Variants in CNTN4 observed in about 807,000 individuals in gnomAD.
CNTN4 encodes contactin-4.
Under a neutral mutation model 122.5 loss-of-function variants are expected in CNTN4, and 77 were observed. The observed-to-expected ratio is 0.63, with a 90% confidence interval of 0.52 to 0.76. The LOEUF (loss-of-function observed/expected upper bound fraction) is 0.76, where lower values mean the gene tolerates loss of function less well. CNTN4 is among the 30% of genes least tolerant of loss of function. The probability of loss-of-function intolerance (pLI) is 0.00; values close to 1 mark genes in which losing one functional copy is unlikely to be tolerated. For missense variants in CNTN4, 1,256 were observed against 1,259.1 expected (o/e 1.00, Z 0.04); for synonymous variants, 512 against 447.0 (o/e 1.15, Z -1.83).
At chr3:2,306,417 T>C (rs935921236) in intron 2 of CNTN4, among the ~76,000 whole-genome samples, 3 of 152,344 alleles carry the variant, frequency 2.0e-5, no homozygotes, top group Admixed American at 6.5e-5. Context: ...GCATCTTTCA[T>C]GTACTTGTTG....
chr3:2,280,333 A>G (rs1370111616), intron 2 of CNTN4, among the ~76,000 whole-genome samples: 1 of 152,160 alleles, frequency 6.6e-6, no homozygotes, highest in East Asian at 1.9e-4. Context: ...AGAATTGTTT[A>G]TTGTGATTGC....
intron 4 of CNTN4, among the ~76,000 whole-genome samples, chr3:2,647,724 A>G (rs941154805): frequency 6.6e-6 from 1 of 152,184 alleles, no homozygotes; most frequent in African/African-American, 2.4e-5. Flanking sequence ...CCTCACAAAC[A>G]GATGCAAACT....
intron 4 of CNTN4, among the ~76,000 whole-genome samples, chr3:2,609,157 C>A (rs2081379428): frequency 6.6e-6 from 1 of 152,196 alleles, no homozygotes; most frequent in Non-Finnish European, 1.5e-5. Context: ...GTGTCCTCTA[C>A]AGAATTTGTG....
intron 3 of CNTN4, among the ~76,000 whole-genome samples, chr3:2,461,517 G>T (rs2049209093): frequency 6.6e-6 from 1 of 152,110 alleles, no homozygotes; most frequent in South Asian, 2.1e-4. Flanking sequence ...TAGATCCAGG[G>T]CTCCCACCCA....
chr3:2,417,851 T>C lies in CNTN4; in HGVS notation c.-89+78618T>C, dbSNP rs78910171. Among the ~76,000 whole-genome samples the C allele has an allele frequency of 3.5e-3, 535 of 152,270 alleles. 2 individuals are homozygous for C. Among genetic ancestry groups the C allele is most frequent in the African/African-American group, 0.012 (482 of 41,544 alleles). ...TGAAAAGACATAGAAGAAACTTAAA[T>C]GTGTATTACTAAGTGAAAAAGCCAA... On this transcript the variant is annotated intron_variant, in intron 3 of 24. Transcript: ENST00000418658.
intron 3 of CNTN4, among the ~76,000 whole-genome samples, chr3:2,368,329 G>A (rs1375482701): frequency 1.3e-5 from 2 of 152,092 alleles, no homozygotes; most frequent in Non-Finnish European, 2.9e-5. Flanking sequence ...ACAGAGCCTG[G>A]CCTCTTTTTT....
intron 3 of CNTN4, among the ~76,000 whole-genome samples, chr3:2,537,860 T>C (rs1179097376): frequency 6.6e-6 from 1 of 151,950 alleles, no homozygotes; most frequent in Non-Finnish European, 1.5e-5. Context: ...GGGGTACATC[T>C]CCAATAACCC....
At chr3:2,707,167 A>T (rs1490424315) in intron 4 of CNTN4, among the ~76,000 whole-genome samples, 1 of 151,864 alleles carries the variant, frequency 6.6e-6, no homozygotes, top group Non-Finnish European at 1.5e-5. Context: ...TTAGACGGGC[A>T]TGGTGATGCA....
At chr3:2,317,659 A>G (rs920344020) in intron 2 of CNTN4, among the ~76,000 whole-genome samples, 5 of 152,140 alleles carry the variant, frequency 3.3e-5, no homozygotes, top group African/African-American at 1.2e-4. Flanking sequence ...TCTTCTAGTT[A>G]ATCTGTCAAT....
intron 6 of CNTN4, among the ~76,000 whole-genome samples, chr3:2,788,330 T>C (rs972429283): frequency 5.3e-5 from 8 of 152,196 alleles, no homozygotes; most frequent in African/African-American, 1.9e-4. Flanking sequence ...CTCATTTCAC[T>C]GTATGATATA....
At chr3:2,363,267 T>A (rs2045234561) in intron 3 of CNTN4, among the ~76,000 whole-genome samples, 1 of 152,236 alleles carries the variant, frequency 6.6e-6, no homozygotes, top group African/African-American at 2.4e-5. Flanking sequence ...GAAGTAACAT[T>A]CATTGGTTGT....
chr3:2,107,410 A>T (rs765926089), intron 2 of CNTN4, among the ~76,000 whole-genome samples: 3 of 152,156 alleles, frequency 2.0e-5, no homozygotes, highest in African/African-American at 2.4e-5. Flanking sequence ...AAGCAAAGGT[A>T]TATCTTACAT....
At chr3:2,377,236 A>G (rs1391886610) in intron 3 of CNTN4, among the ~76,000 whole-genome samples, 2 of 152,164 alleles carry the variant, frequency 1.3e-5, no homozygotes, top group Non-Finnish European at 2.9e-5. Context: ...GTTGTTGAAC[A>G]TGATGGCATT....
Position 2,113,232 on chromosome 3 carries a change from G to T in CNTN4, c.-145+12593G>T, listed in dbSNP as rs114278869. 4.5e-3 allele frequency among the ~76,000 whole-genome samples: 682 copies of T among 152,120 alleles called. 4 individuals carry two copies. The highest frequency in any genetic ancestry group is 0.016 in the African/African-American group (654 of 41,506). On this transcript the variant is annotated intron_variant, in intron 2 of 24. Transcript: ENST00000418658. ...AACATAATAAATTGTCCATCAATAGGGACTATTTGAGTTTGATATTGATCT... is the reference window on the plus strand; with the variant it reads ...AACATAATAAATTGTCCATCAATAGTGACTATTTGAGTTTGATATTGATCT...
At chr3:2,494,526 A>G (rs1344366279) in intron 3 of CNTN4, among the ~76,000 whole-genome samples, 1 of 152,162 alleles carries the variant, frequency 6.6e-6, no homozygotes, top group African/African-American at 2.4e-5. Flanking sequence ...TCCAGGTAGC[A>G]AGCTGCAGAC....
intron 7 of CNTN4, among the ~76,000 whole-genome samples, chr3:2,836,982 G>C (rs951110595): frequency 2.6e-5 from 4 of 152,092 alleles, no homozygotes; most frequent in South Asian, 2.1e-4. Flanking sequence ...AGGACGTAAA[G>C]ACAAACAAGA....
At chr3:2,450,169 C>A (rs536057051) in intron 3 of CNTN4, among the ~76,000 whole-genome samples, 1 of 152,080 alleles carries the variant, frequency 6.6e-6, no homozygotes, top group Admixed American at 6.6e-5. Flanking sequence ...GAATTTGAGA[C>A]CCTCCTGGCA....
At chr3:2,208,914 A>G (rs2038483851) in intron 2 of CNTN4, among the ~76,000 whole-genome samples, 1 of 152,202 alleles carries the variant, frequency 6.6e-6, no homozygotes, top group African/African-American at 2.4e-5. Flanking sequence ...ACTGCTAAAA[A>G]ACAATGCACA....
intron 3 of CNTN4, among the ~76,000 whole-genome samples, chr3:2,456,464 A>G (rs947060904): frequency 1.6e-4 from 24 of 152,090 alleles, no homozygotes; most frequent in Non-Finnish European, 2.9e-4. Context: ...GTCCTAAAAT[A>G]TTTTCATCAC....
Sources: gnomAD v4.1 joint callset for allele counts (sites outside exome capture counted in the v4.1 genomes callset) on GRCh38, gnomAD v4.1.1 for gene constraint, MANE v1.5 for transcripts, NCBI Gene and HGNC (gene_info 2026-07-23, HGNC 2026-07-21) for gene names.